The following ZNF597 variants were observed in gnomAD, a reference collection of about 807,000 sequenced individuals.
The protein encoded by ZNF597 is zinc finger protein 597.
A neutral mutation model predicts 7.3 loss-of-function variants in ZNF597; 5 were observed. The ratio of observed to expected loss-of-function variants is 0.68; its 90% CI spans 0.36 to 1.44. The LOEUF (loss-of-function observed/expected upper bound fraction) is 1.44, where lower values mean the gene tolerates loss of function less well. Among genes scored for constraint, ZNF597 ranks in the 40% most tolerant of loss-of-function variants. The probability of loss-of-function intolerance (pLI) is 0.04; values close to 1 mark genes in which losing one functional copy is unlikely to be tolerated. For missense variants in ZNF597, 585 were observed against 517.9 expected (o/e 1.13, Z -1.26); for synonymous variants, 209 against 185.4 (o/e 1.13, Z -1.04).
chr16:3,440,528 G>A (rs1284096069), intron 3 of ZNF597, among the ~76,000 whole-genome samples: 2 of 152,250 alleles, frequency 1.3e-5, no homozygotes, highest in Middle Eastern at 3.4e-3. Flanking sequence ...CAGCTACTCG[G>A]GAGGCTGAGG....
rs1185315430 is a variant in ZNF597, at chr16:3,436,801, T to C, written c.898A>G (p.Lys300Glu). The change falls in exon 4 of 4, where the codon AAG becomes GAG. Residue 300 changes from lysine to glutamate, a missense_variant. Coordinates refer to ENST00000301744, the MANE Select transcript of ZNF597 (RefSeq NM_152457.3). ...FVSGPQYQHTKCMKSFRQSLY... is the reference protein window; with the variant it reads ...FVSGPQYQHTECMKSFRQSLY... The stretch of plus-strand genomic sequence containing the variant: ...GACTGCCTGAAGCTCTTCATGCACT[T>C]AGTGTGCTGGTACTGGGGGCCTGAT... The C allele has an allele frequency of 1.2e-6, 2 of 1,613,566 alleles. No homozygotes were observed. Among genetic ancestry groups the C allele is most frequent in the African/African-American group, 2.7e-5 (2 of 74,930 alleles).
At chr16:3,438,569 A>T (rs37828) in intron 3 of ZNF597, among the ~76,000 whole-genome samples, 26,157 of 151,782 alleles carry the variant, frequency 0.17, 2,518 homozygotes, top group South Asian at 0.24. Flanking sequence ...TCTCAAAAAA[A>T]AATAATAATA....
At chr16:3,440,690 C>T in intron 3 of ZNF597, 117 bp downstream of exon 3, 1 of 1,315,402 alleles carries the variant, frequency 7.6e-7, no homozygotes, top group Non-Finnish European at 1.0e-6. Flanking sequence ...ATTATCACCT[C>T]CACATAAATT....
chr16:3,438,906 G>A (rs1228920575), intron 3 of ZNF597, among the ~76,000 whole-genome samples: 2 of 152,202 alleles, frequency 1.3e-5, no homozygotes, highest in Non-Finnish European at 2.9e-5. Context: ...CCAACTCACT[G>A]ACTAGAAAGG....
Position 3,440,901 on chromosome 16 carries a change from A to G in ZNF597, c.66T>C (p.Tyr22=). The G allele has an allele frequency of 6.2e-7, 1 of 1,613,982 alleles. No individual in the cohort carries two copies. The highest frequency in any genetic ancestry group is 8.5e-7 in the Non-Finnish European group (1 of 1,179,908). Reference sequence around the variant, plus strand: ...GAGTCACGCACTCCTCTTGAGAAAAATACACAGCCAGATCCTCAAAGAGTA... The same window carrying G: ...GAGTCACGCACTCCTCTTGAGAAAAGTACACAGCCAGATCCTCAAAGAGTA... ...GPILFEDLAV[Y]FSQEECVTLH... Residue 22 remains tyrosine, a synonymous_variant, in exon 3 of 4, where the codon TAT becomes TAC. Transcript: ENST00000301744.
chr16:3,437,213 G>T lies in ZNF597; in HGVS notation c.486C>A (p.Asp162Glu). 2 of 1,614,152 alleles carry T rather than the reference G, an allele frequency of 1.2e-6. No homozygotes were observed. Among genetic ancestry groups the T allele is most frequent in the Non-Finnish European group, 1.7e-6 (2 of 1,180,040 alleles). The change falls in exon 4 of 4, where the codon GAC (aspartate) becomes GAA (glutamate). Residue 162 changes from aspartate to glutamate, a missense_variant. Coordinates refer to ENST00000301744, the MANE Select transcript of ZNF597 (RefSeq NM_152457.3). The part of the protein sequence containing the change: ...AKNVYKCPEC[D>E]QNFSDHSYLV... The stretch of plus-strand genomic sequence containing the variant: ...GGTATGAATGATCGCTGAAGTTTTG[G>T]TCACACTCAGGACATTTGTACACAT...
intron 3 of ZNF597, among the ~76,000 whole-genome samples, chr16:3,440,600 C>G (rs150394869): frequency 0.01 from 1,574 of 152,126 alleles, 37 homozygotes; most frequent in African/African-American, 0.036. Flanking sequence ...TGCCACTGCA[C>G]TCCAGCCTGG....
At chr16:3,439,625 C>CA (rs35430307) in intron 3 of ZNF597, among the ~76,000 whole-genome samples, 4,783 of 139,778 alleles carry the variant, frequency 0.034, 100 homozygotes, top group Non-Finnish European at 0.051. Flanking sequence ...CCTAACAAAG[C>CA]AAAAAAAAAA....
chr16:3,437,146 T>G lies in ZNF597; in HGVS notation c.553A>C (p.Lys185Gln). The stretch of plus-strand genomic sequence containing the variant: ...AAGATCTTTCCACAGTCACCACATT[T>G]ATGTTTTTTCTCTCCTGAATGAATT... ...QKIHSGEKKHKCGDCGKIFNH... is the reference protein window; with the variant it reads ...QKIHSGEKKHQCGDCGKIFNH... Residue 185 changes from lysine (K) to glutamine (Q), a missense_variant, in exon 4 of 4, where the codon AAA becomes CAA. Lys to Gln is a moderately conservative substitution (Grantham distance 53, BLOSUM62 1). Transcript: ENST00000301744. 1 of 1,614,202 alleles carries G rather than the reference T, an allele frequency of 6.2e-7. No homozygotes were observed. The highest frequency in any genetic ancestry group is 8.5e-7 in the Non-Finnish European group (1 of 1,180,042).
Position 3,437,319 on chromosome 16 carries a change from G to A in ZNF597, c.380C>T (p.Thr127Ile). ...ATATTCAGAGAGTTCTACTAATGGGGTGTGGTTTTCAATGGTAACTAAAAG... is the reference window on the plus strand; with the variant it reads ...ATATTCAGAGAGTTCTACTAATGGGATGTGGTTTTCAATGGTAACTAAAAG... ...ISLLVTIENHTPLVELSEYLG... is the reference protein window; with the variant it reads ...ISLLVTIENHIPLVELSEYLG... The change falls in exon 4 of 4, where the codon ACC becomes ATC. Residue 127 changes from threonine (T) to isoleucine (I), a missense_variant. By Grantham distance (89) the Thr-to-Ile change is moderately conservative (BLOSUM62 -1). Transcript: ENST00000301744. The A allele has an allele frequency of 1.2e-6, 2 of 1,614,164 alleles. No homozygotes were observed. The highest frequency in any genetic ancestry group is 1.7e-6 in the Non-Finnish European group (2 of 1,180,022).
intron 3 of ZNF597, among the ~76,000 whole-genome samples, chr16:3,440,580 G>A (rs537446474): frequency 6.6e-6 from 1 of 152,202 alleles, no homozygotes. Context: ...TTTGCAGTGA[G>A]CAGAGATCGT....
In ZNF597 at chr16:3,436,852, G is replaced by T; in HGVS notation, c.847C>A (p.Leu283Ile). The change falls in exon 4 of 4, where the codon CTT becomes ATT. Residue 283 changes from leucine to isoleucine, a missense_variant. Physicochemically the swap from Leu to Ile is conservative, Grantham distance 5. Coordinates refer to ENST00000301744, the MANE Select transcript of ZNF597 (RefSeq NM_152457.3). ...ACGAATGTTTCCTCAGGCAAAGCAAGATTTGGTTTCTCATTAAAATGTTTA... is the reference window on the plus strand; with the variant it reads ...ACGAATGTTTCCTCAGGCAAAGCAATATTTGGTTTCTCATTAAAATGTTTA... Reference protein sequence around the residue: ...CDKHFNEKPNLALPEETFVSG... With the variant: ...CDKHFNEKPNIALPEETFVSG... 6.2e-7 allele frequency: 1 copy of T among 1,614,140 alleles called. No individual in the cohort carries two copies. Among genetic ancestry groups the T allele is most frequent in the South Asian group, 1.1e-5 (1 of 91,088 alleles).
chr16:3,442,747 GCTGAGGCGTAAGGATTCC>G (rs2034406214), intron 2 of ZNF597, among the ~76,000 whole-genome samples: 1 of 151,544 alleles, frequency 6.6e-6, no homozygotes, highest in Non-Finnish European at 1.5e-5. Context: ...TACTCGAGAG[GCTGAGGCGTAAGGATTCC>G]CTGAGTTCCA....
At chr16:3,438,495 G>A (rs939576332) in intron 3 of ZNF597, among the ~76,000 whole-genome samples, 5 of 151,406 alleles carry the variant, frequency 3.3e-5, no homozygotes, top group Non-Finnish European at 5.9e-5. Context: ...CCCAGGAGGC[G>A]GAGCTTGCAG....
At chr16:3,442,987 C>G in intron 2 of ZNF597, 134 bp downstream of exon 2, 1 of 1,049,742 alleles carries the variant, frequency 9.5e-7, no homozygotes, top group South Asian at 1.3e-5. Context: ...ACGAAGAACA[C>G]TTGGTCAAAG....
Position 3,433,702 on chromosome 16 carries a change from T to G in ZNF597, c.*2722A>C, listed in dbSNP as rs934361649. ...CTGAAGCTCACCAGCAGATATATCT[T>G]TTCCTTCAATTCCCTGGGGGTAAAG... On this transcript the variant is annotated 3_prime_UTR_variant, in exon 4 of 4. Transcript: ENST00000301744. 2.6e-5 allele frequency: 4 copies of G among 152,220 alleles called. No homozygotes were observed. The highest frequency in any genetic ancestry group is 9.7e-5 in the African/African-American group (4 of 41,444). 9.4% of individuals were successfully genotyped at this position (152,220 alleles called of 1,614,324 possible).
chr16:3,441,787 C>A (rs1303078787), intron 2 of ZNF597, among the ~76,000 whole-genome samples: 1 of 150,400 alleles, frequency 6.6e-6, no homozygotes, highest in Non-Finnish European at 1.5e-5. Context: ...AAAACAACAA[C>A]AAAAAAAACT....
At chr16:3,443,094 T>C (rs770829631) in intron 2 of ZNF597, 27 bp downstream of exon 2, 9 of 1,614,046 alleles carry the variant, frequency 5.6e-6, no homozygotes, top group Admixed American at 1.7e-5. Flanking sequence ...AGCAATAAAC[T>C]TGGACGAAAA....
rs1400342608 is a variant in ZNF597, at chr16:3,437,282, G to T, written c.417C>A (p.Asn139Lys). The part of the protein sequence containing the change: ...LVELSEYLGT[N>K]TLSEILDSPW... The stretch of plus-strand genomic sequence containing the variant: ...GAGAATCAAGAATTTCAGAAAGTGT[G>T]TTGGTTCCTAAATATTCAGAGAGTT... Residue 139 changes from asparagine to lysine, a missense_variant, in exon 4 of 4, where the codon AAC (asparagine) becomes AAA (lysine). Transcript: ENST00000301744. 1 of 1,614,220 alleles carries T rather than the reference G, an allele frequency of 6.2e-7. No homozygotes were observed.
Sources: gnomAD v4.1 joint callset for allele counts (sites outside exome capture counted in the v4.1 genomes callset) on GRCh38, gnomAD v4.1.1 for gene constraint, MANE v1.5 for transcripts, NCBI Gene and HGNC (gene_info 2026-07-23, HGNC 2026-07-21) for gene names.